CPEB3: variants seen among roughly 807,000 people sequenced by gnomAD.
The protein encoded by CPEB3 is cytoplasmic polyadenylation element binding protein 3, also known as cytoplasmic polyadenylation element-binding protein 3.
A neutral mutation model predicts 67.2 loss-of-function variants in CPEB3; 20 were observed. The observed-to-expected ratio is 0.30, with a 90% CI of 0.21 to 0.43. The LOEUF is 0.43. Among genes scored for constraint, CPEB3 ranks in the 20% least tolerant of loss-of-function variants. The probability of loss-of-function intolerance (pLI) is 1.00; values close to 1 mark genes in which losing one functional copy is unlikely to be tolerated. For synonymous variants in CPEB3, 376 were observed against 393.1 expected, an observed-to-expected ratio of 0.96 and a Z score of 0.51; for missense variants, 746 against 968.6, an observed-to-expected ratio of 0.77 and a Z score of 3.05.
chr10:92,058,596 T>TACATACATAC lies in CPEB3; in HGVS notation c.1870-6158_1870-6157insGTATGTATGT, dbSNP rs3046637. Among the ~76,000 whole-genome samples, 156 of 100,196 alleles carry TACATACATAC rather than the reference T, an allele frequency of 1.6e-3. 1 individual carries two copies. The highest frequency in any genetic ancestry group is 2.4e-3 in the Non-Finnish European group (111 of 45,934). The allele number at this position is 100,196 out of a possible 152,430, so 65.7% of individuals were successfully genotyped here. On this transcript the variant is annotated intron_variant, in intron 9 of 9. Coordinates refer to ENST00000265997, the MANE Select transcript of CPEB3 (RefSeq NM_014912.5). The stretch of plus-strand genomic sequence containing the variant: ...ACATACATACATACATACATACATA[T>TACATACATAC]ATATATATATATAAATTAATTATAT...
At chr10:92,245,531 T>C (rs1192473867) in intron 1 of CPEB3, among the ~76,000 whole-genome samples, 1 of 152,202 alleles carries the variant, frequency 6.6e-6, no homozygotes, top group Non-Finnish European at 1.5e-5. Flanking sequence ...GTAAAACAAC[T>C]AAATGTTTAC....
chr10:92,068,734 G>A (rs1842647730), intron 9 of CPEB3, among the ~76,000 whole-genome samples: 1 of 152,218 alleles, frequency 6.6e-6, no homozygotes, highest in Non-Finnish European at 1.5e-5. Context: ...AGGAGAGTCA[G>A]AAGTCAGGAC....
intron 6 of CPEB3, among the ~76,000 whole-genome samples, chr10:92,121,405 GAC>G (rs60616448): frequency 0.019 from 1,447 of 76,736 alleles, 24 homozygotes; most frequent in African/African-American, 0.072. Flanking sequence ...ATAATAGAGA[GAC>G]AGCGCGTGAG....
At chr10:92,234,215 C>T (rs1364756904) in intron 2 of CPEB3, among the ~76,000 whole-genome samples, 1 of 151,762 alleles carries the variant, frequency 6.6e-6, no homozygotes, top group East Asian at 1.9e-4. Context: ...CAATCTGCTG[C>T]TAAAGCCTGC....
Position 92,151,946 on chromosome 10 carries a change from T to C in CPEB3, c.1223-6861A>G, listed in dbSNP as rs531681871. On this transcript the variant is annotated intron_variant, in intron 4 of 9. Coordinates refer to ENST00000265997, the MANE Select transcript of CPEB3 (RefSeq NM_014912.5). ...ATCACCTCCTAACAAGGCAACCCAATTCTCTTTTCACTTCACTCCAAACAG... is the reference window on the plus strand; with the variant it reads ...ATCACCTCCTAACAAGGCAACCCAACTCTCTTTTCACTTCACTCCAAACAG... Among the ~76,000 whole-genome samples, 8 of 152,274 alleles carry C rather than the reference T, an allele frequency of 5.3e-5. No homozygotes were observed. In the East Asian group the frequency reaches 1.5e-3, roughly 29 times the overall value.
At chr10:92,070,090 T>C (rs961414847) in intron 9 of CPEB3, among the ~76,000 whole-genome samples, 1 of 152,194 alleles carries the variant, frequency 6.6e-6, no homozygotes, top group African/African-American at 2.4e-5. Flanking sequence ...AGCTTCTGCA[T>C]TTGAGCATGA....
chr10:92,117,364 C>T (rs1337689473), intron 6 of CPEB3, among the ~76,000 whole-genome samples: 1 of 128,036 alleles, frequency 7.8e-6, no homozygotes, highest in African/African-American at 3.1e-5. Flanking sequence ...GAGTCTCGCT[C>T]TGTTGCCCAT....
At chr10:92,280,343 CAAAAAAAAAAAAAAAA>C (rs60338900) in intron 1 of CPEB3, among the ~76,000 whole-genome samples, 1 of 37,796 alleles carries the variant, frequency 2.6e-5, no homozygotes, top group Admixed American at 4.1e-4. Flanking sequence ...AACTCCATCT[CAAAAAAAAAAAAAAAA>C]AAAAAAAAAG....
intron 1 of CPEB3, among the ~76,000 whole-genome samples, chr10:92,279,186 G>A (rs1274596122): frequency 6.6e-6 from 1 of 152,088 alleles, no homozygotes; most frequent in East Asian, 1.9e-4. Flanking sequence ...TTTTGTAGAT[G>A]CACTTTATCA....
At chr10:92,288,122 C>T (rs1417803332) in intron 1 of CPEB3, among the ~76,000 whole-genome samples, 1 of 152,142 alleles carries the variant, frequency 6.6e-6, no homozygotes, top group Non-Finnish European at 1.5e-5. Flanking sequence ...TTTATCCATT[C>T]ATCAACTGGT....
intron 4 of CPEB3, among the ~76,000 whole-genome samples, chr10:92,169,142 T>C (rs1847887890): frequency 7.4e-6 from 1 of 135,008 alleles, no homozygotes; most frequent in Non-Finnish European, 1.5e-5. Context: ...GCAGGTTTTG[T>C]TGTTTTTTTT....
Position 92,164,377 on chromosome 10 carries a change from T to C in CPEB3, c.1222+16586A>G, listed in dbSNP as rs188752185. Reference sequence around the variant, plus strand: ...GATCTGATTAATTTTGATAATTATATATAAACATATAACCACCACCATTCT... The same window carrying C: ...GATCTGATTAATTTTGATAATTATACATAAACATATAACCACCACCATTCT... On this transcript the variant is annotated intron_variant, in intron 4 of 9. Coordinates refer to ENST00000265997, the MANE Select transcript of CPEB3 (RefSeq NM_014912.5). Among the ~76,000 whole-genome samples the C allele has an allele frequency of 1.8e-4, 28 of 152,350 alleles. No individual in the cohort carries two copies. The East Asian group carries it at 5.4e-3, about 29-fold the overall frequency.
At chr10:92,075,292 A>G (rs1842892267) in intron 9 of CPEB3, among the ~76,000 whole-genome samples, 1 of 152,196 alleles carries the variant, frequency 6.6e-6, no homozygotes, top group South Asian at 2.1e-4. Context: ...TCTCTATATT[A>G]TGAGCTGAAT....
chr10:92,242,729 C>T (rs577455096), intron 1 of CPEB3, among the ~76,000 whole-genome samples: 7 of 152,236 alleles, frequency 4.6e-5, no homozygotes, highest in African/African-American at 1.7e-4. Flanking sequence ...AAAAAGTAAG[C>T]TGGACTCAGA....
intron 1 of CPEB3, among the ~76,000 whole-genome samples, chr10:92,251,510 A>G (rs1193467657): frequency 6.6e-6 from 1 of 152,184 alleles, no homozygotes; most frequent in Non-Finnish European, 1.5e-5. Context: ...AGGTGGATCT[A>G]TGTATGATCC....
intron 2 of CPEB3, among the ~76,000 whole-genome samples, chr10:92,209,827 C>T (rs150659421): frequency 3.3e-5 from 5 of 151,272 alleles, no homozygotes; most frequent in African/African-American, 4.9e-5. Flanking sequence ...ATCCCAGCTA[C>T]TCAGGAGGCT....
At chr10:92,141,710 G>T (rs779781995) in intron 6 of CPEB3, among the ~76,000 whole-genome samples, 1 of 148,812 alleles carries the variant, frequency 6.7e-6, no homozygotes, top group Non-Finnish European at 1.5e-5. Flanking sequence ...ATAAATAATT[G>T]ATAAGAAAAC....
intron 9 of CPEB3, among the ~76,000 whole-genome samples, chr10:92,061,240 A>G (rs1842331406): frequency 6.6e-6 from 1 of 151,954 alleles, no homozygotes; most frequent in South Asian, 2.1e-4. Flanking sequence ...ACAACATGGT[A>G]AAACCCTGTT....
chr10:92,117,520 C>T (rs1220509809), intron 6 of CPEB3, among the ~76,000 whole-genome samples: 6 of 150,868 alleles, frequency 4.0e-5, no homozygotes, highest in Admixed American at 2.7e-4. Context: ...TTAGTAGAGA[C>T]GGGGTTTCAC....
Sources: gnomAD v4.1 joint callset for allele counts (sites outside exome capture counted in the v4.1 genomes callset) on GRCh38, gnomAD v4.1.1 for gene constraint, MANE v1.5 for transcripts, NCBI Gene and HGNC (gene_info 2026-07-23, HGNC 2026-07-21) for gene names.